The following PTPRD variants were observed in gnomAD, a reference collection of about 807,000 sequenced individuals.
PTPRD encodes receptor-type tyrosine-protein phosphatase delta.
PTPRD carries 34 observed loss-of-function variants against 214.5 expected under a neutral mutation model. The ratio of observed to expected loss-of-function variants is 0.16; its 90% CI spans 0.12 to 0.21. PTPRD has a LOEUF of 0.21. Among genes scored for constraint, PTPRD ranks in the 10% least tolerant of loss-of-function variants. PTPRD has a pLI of 1.00. For missense variants in PTPRD, 2,545 were observed against 2,398.7 expected (o/e 1.06, Z -1.27); for synonymous variants, 1,128 against 845.7 (o/e 1.33, Z -5.79).
chr9:9,821,539 A>G (rs1006168027), intron 5 of PTPRD, among the ~76,000 whole-genome samples: 1 of 152,216 alleles, frequency 6.6e-6, no homozygotes, highest in Non-Finnish European at 1.5e-5. Context: ...GAGGCTGAAG[A>G]GAAAATATAT....
At chr9:10,386,328 G>A (rs1021002775) in intron 2 of PTPRD, among the ~76,000 whole-genome samples, 3 of 151,694 alleles carry the variant, frequency 2.0e-5, no homozygotes, top group Non-Finnish European at 2.9e-5. Flanking sequence ...GGATATTTTG[G>A]TCTTCTCATT....
chr9:10,282,178 G>C (rs1184768102), intron 3 of PTPRD, among the ~76,000 whole-genome samples: 2 of 152,152 alleles, frequency 1.3e-5, no homozygotes, highest in African/African-American at 4.8e-5. Flanking sequence ...ATAGCTCCAT[G>C]ATATAGAGAA....
chr9:10,338,667 C>A (rs537060661), intron 3 of PTPRD, among the ~76,000 whole-genome samples: 1 of 151,782 alleles, frequency 6.6e-6, no homozygotes, highest in Admixed American at 6.6e-5. Context: ...TTGAATAGGT[C>A]CTACGTCAAA....
intron 9 of PTPRD, among the ~76,000 whole-genome samples, chr9:9,263,571 C>T (rs529342426): frequency 2.0e-5 from 3 of 151,730 alleles, no homozygotes; most frequent in Non-Finnish European, 3.0e-5. Context: ...TAGTATGGTG[C>T]CTGAATCACA....
chr9:9,481,131 A>G (rs910018500), intron 8 of PTPRD, among the ~76,000 whole-genome samples: 3 of 152,164 alleles, frequency 2.0e-5, no homozygotes, highest in African/African-American at 7.2e-5. Context: ...GATGACAGTT[A>G]AGTGGTAAAG....
At chr9:9,425,381 T>A (rs1056795351) in intron 8 of PTPRD, among the ~76,000 whole-genome samples, 2 of 71,750 alleles carry the variant, frequency 2.8e-5, no homozygotes, top group African/African-American at 1.0e-4. Flanking sequence ...TATTATAATA[T>A]CTTATACATT....
At chr9:9,337,383 T>C (rs1007831868) in intron 9 of PTPRD, among the ~76,000 whole-genome samples, 1 of 152,132 alleles carries the variant, frequency 6.6e-6, no homozygotes, top group Non-Finnish European at 1.5e-5. Context: ...AAAAGAAGAC[T>C]TTAATAGATC....
At chr9:10,373,870 T>A (rs1168793637) in intron 2 of PTPRD, among the ~76,000 whole-genome samples, 1 of 152,106 alleles carries the variant, frequency 6.6e-6, no homozygotes, top group African/African-American at 2.4e-5. Flanking sequence ...ACACTCTTCA[T>A]TTTACCATAT....
chr9:9,299,699 T>G (rs867240439), intron 9 of PTPRD, among the ~76,000 whole-genome samples: 2 of 151,726 alleles, frequency 1.3e-5, no homozygotes, highest in Middle Eastern at 3.4e-3. Context: ...AAAGGTGAAT[T>G]TCCATTGGTG....
At chr9:10,467,955 C>T (rs938787333) in intron 2 of PTPRD, among the ~76,000 whole-genome samples, 1 of 152,072 alleles carries the variant, frequency 6.6e-6, no homozygotes, top group East Asian at 1.9e-4. Flanking sequence ...AATGGGATAC[C>T]ATCTGATGCC....
chr9:10,389,363 G>C (rs2098005200), intron 2 of PTPRD, among the ~76,000 whole-genome samples: 1 of 151,798 alleles, frequency 6.6e-6, no homozygotes. Flanking sequence ...TCTTATCAGA[G>C]TGCTATTTTA....
At chr9:8,803,546 A>G (rs1396473245) in intron 11 of PTPRD, among the ~76,000 whole-genome samples, 1 of 152,142 alleles carries the variant, frequency 6.6e-6, no homozygotes, top group African/African-American at 2.4e-5. Context: ...ACGCCTGAGC[A>G]ACATAGTGAA....
chr9:9,196,243 C>T lies in PTPRD; in HGVS notation c.-202-12880G>A, dbSNP rs139480262. On this transcript the variant is annotated intron_variant, in intron 9 of 45. Coordinates refer to ENST00000381196, the MANE Select transcript of PTPRD (RefSeq NM_002839.4). ...AATATCTTAAGGTTTCTTCCTACTTCCTGGAACACAGAGTGAAATTATATG... is the reference window on the plus strand; with the variant it reads ...AATATCTTAAGGTTTCTTCCTACTTTCTGGAACACAGAGTGAAATTATATG... Among the ~76,000 whole-genome samples, 308 of 152,272 alleles carry T rather than the reference C, an allele frequency of 2.0e-3. 2 individuals are homozygous for T. The highest frequency in any genetic ancestry group is 6.8e-3 in the African/African-American group (283 of 41,578).
At chr9:9,934,320 G>T (rs1288671989) in intron 5 of PTPRD, among the ~76,000 whole-genome samples, 1 of 151,034 alleles carries the variant, frequency 6.6e-6, no homozygotes, top group African/African-American at 2.5e-5. Flanking sequence ...CAACAAAATA[G>T]ACTGCTAGCA....
intron 2 of PTPRD, among the ~76,000 whole-genome samples, chr9:10,346,021 C>A (rs1391909092): frequency 1.3e-5 from 2 of 152,092 alleles, no homozygotes; most frequent in African/African-American, 4.8e-5. Flanking sequence ...CAATATCAAT[C>A]ATTTAACCTC....
chr9:8,388,921 G>A (rs1298227551), intron 37 of PTPRD, among the ~76,000 whole-genome samples: 1 of 151,004 alleles, frequency 6.6e-6, no homozygotes, highest in Non-Finnish European at 1.5e-5. Flanking sequence ...TGGTGTTTTT[G>A]AAAGAGGTTC....
At chr9:10,471,571 G>T (rs901207767) in intron 2 of PTPRD, among the ~76,000 whole-genome samples, 6 of 151,852 alleles carry the variant, frequency 4.0e-5, no homozygotes, top group Admixed American at 3.9e-4. Flanking sequence ...TCCAAATCTG[G>T]TATCTGTGAA....
chr9:8,575,327 C>G (rs1309184699), intron 14 of PTPRD, among the ~76,000 whole-genome samples: 1 of 152,096 alleles, frequency 6.6e-6, no homozygotes, highest in Non-Finnish European at 1.5e-5. Flanking sequence ...CTCAAGTATT[C>G]TTTTTAGTCC....
At chr9:9,955,859 A>T (rs2093883704) in intron 4 of PTPRD, among the ~76,000 whole-genome samples, 1 of 152,122 alleles carries the variant, frequency 6.6e-6, no homozygotes, top group South Asian at 2.1e-4. Flanking sequence ...ACTGCTTTCA[A>T]ATAACAAAGA....
Sources: allele counts gnomAD v4.1 joint callset (sites outside exome capture counted in the v4.1 genomes callset), GRCh38; gene constraint gnomAD v4.1.1; transcripts MANE v1.5; gene names NCBI Gene and HGNC (gene_info 2026-07-23, HGNC 2026-07-21).